Variants in ANO3 observed in about 807,000 individuals in gnomAD.
ANO3 encodes the protein anoctamin-3.
ANO3 carries 99 observed loss-of-function variants against 144.8 expected under a neutral mutation model. The observed-to-expected ratio is 0.68, with a 90% CI of 0.58 to 0.81. The LOEUF is 0.81. Among genes scored for constraint, ANO3 ranks in the 30% least tolerant of loss-of-function variants. The pLI is 0.00. For synonymous variants in ANO3, 414 were observed against 392.6 expected (o/e 1.05, Z -0.64); for missense variants, 905 against 1,202.2 (o/e 0.75, Z 3.66).
At chr11:26,190,017 T>C (rs536681007) in intron 1 of ANO3, among the ~76,000 whole-genome samples, 4 of 152,282 alleles carry the variant, frequency 2.6e-5, no homozygotes, top group Non-Finnish European at 5.9e-5. Flanking sequence ...ATGTCAACAG[T>C]GAATTAATTG....
chr11:26,326,361 C>A (rs78202234), intron 1 of ANO3, among the ~76,000 whole-genome samples: 5,758 of 152,054 alleles, frequency 0.038, 380 homozygotes, highest in African/African-American at 0.13. Flanking sequence ...AAAAATAAAC[C>A]TTTTCGCCCC....
chr11:26,215,303 T>C lies in ANO3; in HGVS notation c.154+25973T>C, dbSNP rs117816453. ...TTGTTTATATAACTGCTTATTTCTA[T>C]TGTTATGGCCACAAAGTATACTTAT... On this transcript the variant is annotated intron_variant, in intron 1 of 27. Transcript: ENST00000672621. Among the ~76,000 whole-genome samples the C allele has an allele frequency of 7.9e-5, 12 of 152,152 alleles. 1 individual carries two copies. The East Asian group carries it at 2.3e-3, about 29-fold the overall frequency.
intron 4 of ANO3, among the ~76,000 whole-genome samples, chr11:26,479,432 G>A (rs750993637): frequency 1.3e-5 from 2 of 152,116 alleles, no homozygotes; most frequent in Non-Finnish European, 2.9e-5. Context: ...AGGTTTAATG[G>A]ACTCACAGTT....
intron 4 of ANO3, among the ~76,000 whole-genome samples, chr11:26,470,845 T>G (rs1161808917): frequency 6.6e-6 from 1 of 151,978 alleles, no homozygotes; most frequent in Non-Finnish European, 1.5e-5. Context: ...CTTTTTACAA[T>G]CTCATACAGC....
At chr11:26,289,582 T>G (rs1209441332) in intron 1 of ANO3, among the ~76,000 whole-genome samples, 11 of 106,198 alleles carry the variant, frequency 1.0e-4, no homozygotes, top group Non-Finnish European at 1.6e-4. Context: ...ACATATATCC[T>G]ATATGTGTGT....
intron 19 of ANO3, among the ~76,000 whole-genome samples, chr11:26,634,555 G>T (rs1423394718): frequency 6.6e-6 from 1 of 152,088 alleles, no homozygotes; most frequent in Non-Finnish European, 1.5e-5. Context: ...CCTTAATGTG[G>T]AAACCTCTTC....
At chr11:26,293,289 A>G (rs894800392) in intron 1 of ANO3, among the ~76,000 whole-genome samples, 10 of 152,114 alleles carry the variant, frequency 6.6e-5, no homozygotes, top group African/African-American at 2.4e-4. Context: ...CAATGTTTTC[A>G]AAGAATTTTT....
chr11:26,646,284 T>G (rs1853343509), intron 23 of ANO3, among the ~76,000 whole-genome samples: 1 of 152,134 alleles, frequency 6.6e-6, no homozygotes, highest in Non-Finnish European at 1.5e-5. Flanking sequence ...TTTATAACCA[T>G]TTACTTATTT....
At chr11:26,380,315 T>C (rs1856555652) in intron 1 of ANO3, among the ~76,000 whole-genome samples, 1 of 152,226 alleles carries the variant, frequency 6.6e-6, no homozygotes, top group Admixed American at 6.5e-5. Flanking sequence ...CTACTGTCAT[T>C]TCTTTGCCAG....
At chr11:26,371,611 A>G (rs1856260042) in intron 1 of ANO3, among the ~76,000 whole-genome samples, 1 of 152,202 alleles carries the variant, frequency 6.6e-6, no homozygotes, top group African/African-American at 2.4e-5. Context: ...GAGGGGGATT[A>G]TATCCTGCAA....
rs202180594 is a variant in ANO3, at chr11:26,598,920, G to T, written c.1593G>T (p.Thr531=). ...AGATGGAGATTGTAAATCCCATCAC[G>T]GGAAAACCTGAACCACATCAGCCTT... The part of the protein sequence containing the change: ...YYKMEIVNPI[T]GKPEPHQPSS... The change falls in exon 16 of 27, where the codon ACG becomes ACT. Residue 531 remains threonine, a synonymous_variant. Transcript: ENST00000256737. 2 of 1,613,894 alleles carry T rather than the reference G, an allele frequency of 1.2e-6. No individual in the cohort carries two copies. The highest frequency in any genetic ancestry group is 1.7e-6 in the Non-Finnish European group (2 of 1,179,926).
intron 2 of ANO3, among the ~76,000 whole-genome samples, chr11:26,443,356 C>T (rs1387429292): frequency 6.6e-6 from 1 of 151,994 alleles, no homozygotes; most frequent in African/African-American, 2.4e-5. Flanking sequence ...AATCCCAGCA[C>T]TTTGGGAGGC....
In ANO3 at chr11:26,289,753, ATG is replaced by A. The variant is rs952424211; in HGVS notation, c.155-19888_155-19887del. ...TTCTATATGTGTATATATATTCTAT[ATG>A]TGTATATATATGTATACATATGTAT... is the stretch of plus-strand genomic sequence containing the variant. On this transcript the variant is annotated intron_variant, in intron 1 of 27. Coordinates refer to the ANO3 transcript ENST00000672621. Among the ~76,000 whole-genome samples, 55 of 135,066 alleles carry A rather than the reference ATG, an allele frequency of 4.1e-4. 2 individuals carry two copies. The highest frequency in any genetic ancestry group is 1.4e-3 in the African/African-American group (52 of 37,190). The allele number at this position is 135,066 out of a possible 152,430, so 88.6% of individuals were successfully genotyped here.
intron 4 of ANO3, among the ~76,000 whole-genome samples, chr11:26,498,199 A>G (rs1861042769): frequency 6.6e-6 from 1 of 152,038 alleles, no homozygotes; most frequent in South Asian, 2.1e-4. Context: ...TTATGTAGAT[A>G]CAACTGTAAT....
chr11:26,619,290 G>A (rs200326767), intron 17 of ANO3, among the ~76,000 whole-genome samples: 3 of 152,068 alleles, frequency 2.0e-5, no homozygotes, highest in East Asian at 3.9e-4. Context: ...CAGAACAGGT[G>A]GATCATGGCA....
At chr11:26,535,806 A>G (rs555156364) in intron 9 of ANO3, among the ~76,000 whole-genome samples, 25 of 151,120 alleles carry the variant, frequency 1.7e-4, no homozygotes, top group African/African-American at 6.1e-4. Flanking sequence ...GACAGTGTCA[A>G]TCTCCTGACC....
chr11:26,579,953 A>G (rs1197504356), intron 14 of ANO3, among the ~76,000 whole-genome samples: 1 of 152,154 alleles, frequency 6.6e-6, no homozygotes, highest in African/African-American at 2.4e-5. Context: ...TGACTGGCAC[A>G]TAAGTTTCTA....
At chr11:26,191,642 C>T (rs1268358664) in intron 1 of ANO3, among the ~76,000 whole-genome samples, 2 of 152,114 alleles carry the variant, frequency 1.3e-5, no homozygotes, top group Non-Finnish European at 2.9e-5. Context: ...CATTTCAAGC[C>T]CCATGTAACC....
chr11:26,411,502 T>C (rs1276539156), intron 1 of ANO3, among the ~76,000 whole-genome samples: 4 of 152,014 alleles, frequency 2.6e-5, no homozygotes, highest in Admixed American at 1.3e-4. Flanking sequence ...GTTAGATTAT[T>C]AAATAAATTC....
Sources: gnomAD v4.1 joint callset for allele counts (sites outside exome capture counted in the v4.1 genomes callset) on GRCh38, gnomAD v4.1.1 for gene constraint, MANE v1.5 for transcripts, NCBI Gene and HGNC (gene_info 2026-07-23, HGNC 2026-07-21) for gene names.